The following AATK variants were observed in gnomAD, a reference collection of about 807,000 sequenced individuals.
The protein encoded by AATK is serine/threonine-protein kinase LMTK1.
A neutral mutation model predicts 114.3 loss-of-function variants in AATK; 91 were observed. The observed-to-expected ratio is 0.80, with a 90% CI of 0.67 to 0.95. The LOEUF (loss-of-function observed/expected upper bound fraction) is 0.95, where lower values mean the gene tolerates loss of function less well. AATK is among the 40% of genes least tolerant of loss of function. The probability of loss-of-function intolerance (pLI) is 0.00; values close to 1 mark genes in which losing one functional copy is unlikely to be tolerated. For missense variants in AATK, 2,176 were observed against 1,965.2 expected (o/e 1.11, Z -2.03); for synonymous variants, 1,075 against 916.5 (o/e 1.17, Z -3.12).
At chr17:81,149,202 C>T (rs1464193827) in intron 1 of AATK, among the ~76,000 whole-genome samples, 2 of 152,138 alleles carry the variant, frequency 1.3e-5, no homozygotes, top group Non-Finnish European at 2.9e-5. Flanking sequence ...GCTGGACCCT[C>T]CTCCCCTGAG....
At chr17:81,158,605 TC>T (rs561501514) in intron 1 of AATK, among the ~76,000 whole-genome samples, 4 of 152,008 alleles carry the variant, frequency 2.6e-5, no homozygotes, top group Non-Finnish European at 5.9e-5. Flanking sequence ...CGAGCCTGGC[TC>T]CCACAGGCCA....
At chr17:81,141,953 TTTCCTTCC>T (rs200510786) in intron 1 of AATK, among the ~76,000 whole-genome samples, 27,719 of 125,216 alleles carry the variant, frequency 0.22, 3,832 homozygotes, top group East Asian at 0.62. Flanking sequence ...CCTTCCTTCC[TTTCCTTCC>T]TTCCTTCCTT....
chr17:81,122,315 C>T lies in AATK; in HGVS notation c.1621G>A (p.Ala541Thr), dbSNP rs61738821. Residue 541 changes from alanine to threonine, a missense_variant, in exon 11 of 14, where the codon GCC becomes ACC. Ala to Thr is a moderately conservative substitution (Grantham distance 58). Around this residue, in one of 4 missense-constraint regions of AATK, gnomAD observed 1,701 missense variants for 1,394.7 expected, o/e 1.22. Coordinates refer to ENST00000326724, the MANE Select transcript of AATK (RefSeq NM_001080395.3). Reference protein sequence around the residue: ...FIRLEEAAPAAGHDPDCAGCA... With the variant: ...FIRLEEAAPATGHDPDCAGCA... ...CCGGCGCAGTCAGGGTCGTGGCCGG[C>T]GGCGGGTGCGGCCTCCTCTAGGCGG... 0.13 allele frequency: 199,975 copies of T among 1,508,024 alleles called. 14,254 individuals are homozygous for T. The highest frequency in any genetic ancestry group is 0.22 in the African/African-American group (15,084 of 70,050). The allele number at this position is 1,508,024 out of a possible 1,614,324, so 93.4% of individuals were successfully genotyped here. A position where few individuals can be genotyped will look rare whatever the true frequency, so the allele number is the denominator to read the frequency against.
chr17:81,143,244 G>A (rs532133764), intron 1 of AATK, among the ~76,000 whole-genome samples: 1 of 152,026 alleles, frequency 6.6e-6, no homozygotes, highest in South Asian at 2.1e-4. Context: ...GAAGCCGCCT[G>A]CAGCAGCCCC....
At position 81,127,814 on chromosome 17, in the gene AATK, G is replaced by A; in HGVS notation, c.511C>T (p.Leu171=). 6.5e-7 allele frequency: 1 copy of A among 1,535,242 alleles called. No individual in the cohort carries two copies. Among genetic ancestry groups the A allele is most frequent in the Non-Finnish European group, 8.8e-7 (1 of 1,134,442 alleles). Residue 171 remains leucine (L), a synonymous_variant, in exon 5 of 14, where the codon CTG becomes TTG. Coordinates refer to ENST00000326724, the MANE Select transcript of AATK (RefSeq NM_001080395.3). ...SASVQEQMQF[L]EEVQPYRALK... ...CACCTGTAGGGCTGCACCTCCTCCA[G>A]GAACTGCATCTGCTCCTGCACGCTG...
Position 81,122,246 on chromosome 17 carries a change from AGTC to A in AATK, c.1687_1689del (p.Asp563del). On this transcript the variant is annotated inframe_deletion, in exon 11 of 14. Coordinates refer to ENST00000326724, the MANE Select transcript of AATK (RefSeq NM_001080395.3). ...AGCGAGGCGGCGGTGCTGCCGTCAG[AGTC>A]GTCGTCCTGGTCCGCGGTGGCAGGT... The A allele has an allele frequency of 2.0e-6, 3 of 1,493,112 alleles. No homozygotes were observed. Among genetic ancestry groups the A allele is most frequent in the South Asian group, 1.3e-5 (1 of 79,280 alleles). The allele number at this position is 1,493,112 out of a possible 1,614,324, so 92.5% of individuals were successfully genotyped here.
chr17:81,121,157 G>A lies in AATK; in HGVS notation c.2779C>T (p.Pro927Ser), dbSNP rs376094589. The A allele has an allele frequency of 3.7e-6, 6 of 1,603,000 alleles. No homozygotes were observed. The highest frequency in any genetic ancestry group is 4.3e-6 in the Non-Finnish European group (5 of 1,175,586). ...AGCGCTCGCGGCTGCCCTCCAGAGG[G>A]GCCAGTGGCCGACGGGCTGAAGACC... ...YEVFSPSATG[P>S]SGGQPRALDS... The change falls in exon 11 of 14, where the codon CCC becomes TCC. Residue 927 changes from proline to serine, a missense_variant. Pro to Ser is a moderately conservative substitution (Grantham distance 74, BLOSUM62 -1). Transcript: ENST00000326724.
intron 1 of AATK, chr17:81,136,117 G>A: frequency 6.6e-6 from 1 of 152,632 alleles, no homozygotes; most frequent in African/African-American, 2.4e-5. Flanking sequence ...CTTCGGAACT[G>A]CAAGTTGCCA....
At position 81,126,697 on chromosome 17, in the gene AATK, T is replaced by C; in HGVS notation, c.622-137A>G. The C allele has an allele frequency of 7.0e-7, 1 of 1,435,204 alleles. No homozygotes were observed. The highest frequency in any genetic ancestry group is 9.1e-7 in the Non-Finnish European group (1 of 1,094,512). The allele number at this position is 1,435,204 out of a possible 1,614,324, so 88.9% of individuals were successfully genotyped here. On this transcript the variant is annotated intron_variant, in intron 6 of 13. Coordinates refer to ENST00000326724, the MANE Select transcript of AATK (RefSeq NM_001080395.3). The surrounding 1 kb of genome is among the most constrained non-coding windows in gnomAD (Gnocchi z 5.1). Reference sequence around the variant, plus strand: ...AGCTGCCCAGAGCAGCCTCGTGCCCTGCACAGTGGCCAGCACCCAGCAGTT... The same window carrying C: ...AGCTGCCCAGAGCAGCCTCGTGCCCCGCACAGTGGCCAGCACCCAGCAGTT...
At chr17:81,119,250 C>CCGGGAAGGAGCGGGGA in intron 13 of AATK, 130 bp downstream of exon 13, 1 of 981,990 alleles carries the variant, frequency 1.0e-6, no homozygotes, top group Non-Finnish European at 1.4e-6. Flanking sequence ...AGGAGCGGGG[C>CCGGGAAGGAGCGGGGA]CGGGAAGGAG....
At chr17:81,156,796 G>A (rs2061372435) in intron 1 of AATK, among the ~76,000 whole-genome samples, 1 of 152,222 alleles carries the variant, frequency 6.6e-6, no homozygotes, top group African/African-American at 2.4e-5. Flanking sequence ...GATGGCACTT[G>A]GGATTGTGTC....
intron 1 of AATK, among the ~76,000 whole-genome samples, chr17:81,142,303 T>C (rs12449368): frequency 0.69 from 103,568 of 149,978 alleles, 36,382 homozygotes; most frequent in African/African-American, 0.75. Flanking sequence ...GACAGAATCT[T>C]GCTCTGTCAC....
At chr17:81,165,734 A>C in intron 1 of AATK, 2 of 1,524,676 alleles carry the variant, frequency 1.3e-6, no homozygotes, top group African/African-American at 2.8e-5. Context: ...ACGCCAGCCC[A>C]CAGGCGGAGG....
intron 1 of AATK, among the ~76,000 whole-genome samples, chr17:81,140,011 A>G (rs1291376000): frequency 6.6e-6 from 1 of 152,164 alleles, no homozygotes; most frequent in Non-Finnish European, 1.5e-5. Flanking sequence ...CCCCCAAAGG[A>G]TGACTCTATT....
intron 3 of AATK, chr17:81,129,019 C>T (rs1022652337): frequency 3.2e-5 from 21 of 660,058 alleles, no homozygotes; most frequent in East Asian, 9.0e-5. Context: ...CGGCCCCGCA[C>T]GGAGCACACT....
At chr17:81,132,365 G>A (rs943174332) in intron 2 of AATK, among the ~76,000 whole-genome samples, 1 of 152,192 alleles carries the variant, frequency 6.6e-6, no homozygotes, top group Non-Finnish European at 1.5e-5. Flanking sequence ...TGTGACCCTG[G>A]GGACGCCTCC....
rs2060927701 is a variant in AATK, at chr17:81,131,319, G to T, written c.190-114C>A. On this transcript the variant is annotated intron_variant, in intron 2 of 13. Transcript: ENST00000326724. ...GAGCTCCCAGGGCAGGGCAGGAGGG[G>T]GTGCTCGGCCCAGAGTTGGAGCCAC... is the stretch of plus-strand genomic sequence containing the variant. 25 of 1,378,932 alleles carry T rather than the reference G, an allele frequency of 1.8e-5. No individual in the cohort carries two copies. The South Asian group carries it at 3.3e-4, about 18-fold the overall frequency. 85.4% of individuals were successfully genotyped at this position (1,378,932 alleles called of 1,614,324 possible). A position where few individuals can be genotyped will look rare whatever the true frequency, so the allele number is the denominator to read the frequency against.
At position 81,127,966 on chromosome 17, in the gene AATK, C is replaced by G. The variant is rs1295430348; in HGVS notation, c.415-56G>C. On this transcript the variant is annotated intron_variant, in intron 4 of 13. Transcript: ENST00000326724. ...CTCCGCCTCCACCGGCCCCGGCTTC[C>G]AGGCCTTACTCTTCTCCCACCCGCC... 1.9e-6 allele frequency: 3 copies of G among 1,542,048 alleles called. No homozygotes were observed. The East Asian group carries it at 7.3e-5, about 38-fold the overall frequency.
intron 1 of AATK, among the ~76,000 whole-genome samples, chr17:81,139,315 T>A (rs999158369): frequency 3.3e-5 from 5 of 152,298 alleles, no homozygotes; most frequent in Admixed American, 1.3e-4. Flanking sequence ...CACTAGCAGG[T>A]GGGGAGGCCT....
Sources: allele counts gnomAD v4.1 joint callset (sites outside exome capture counted in the v4.1 genomes callset), GRCh38; gene constraint gnomAD v4.1.1; regional missense constraint gnomAD v4.1.1; non-coding constraint Gnocchi (gnomAD v3.1); transcripts MANE v1.5; gene names NCBI Gene and HGNC (gene_info 2026-07-23, HGNC 2026-07-21).